TPP2: variants seen among roughly 807,000 people sequenced by gnomAD.
TPP2 encodes tripeptidyl-peptidase 2.
TPP2 carries 34 observed loss-of-function variants against 155.9 expected under a neutral mutation model. The ratio of observed to expected loss-of-function variants is 0.22; its 90% CI spans 0.17 to 0.29. The LOEUF (loss-of-function observed/expected upper bound fraction) is 0.29, where lower values mean the gene tolerates loss of function less well. Among genes scored for constraint, TPP2 ranks in the 10% least tolerant of loss-of-function variants. The probability of loss-of-function intolerance (pLI) is 1.00; values close to 1 mark genes in which losing one functional copy is unlikely to be tolerated. For missense variants in TPP2, 1,028 were observed against 1,522.3 expected, an observed-to-expected ratio of 0.68 and a Z score of 5.40; for synonymous variants, 510 against 529.4, an observed-to-expected ratio of 0.96 and a Z score of 0.50.
chr13:102,597,756 A>C (rs1230434293), intron 1 of TPP2, among the ~76,000 whole-genome samples: 1 of 152,224 alleles, frequency 6.6e-6, no homozygotes, highest in Non-Finnish European at 1.5e-5. Flanking sequence ...TTTGGGGAAG[A>C]ATAGTTTGTC....
chr13:102,659,884 T>C (rs750600375), intron 25 of TPP2, among the ~76,000 whole-genome samples: 15 of 152,246 alleles, frequency 9.9e-5, no homozygotes, highest in Non-Finnish European at 1.9e-4. Flanking sequence ...GTGTATATAT[T>C]AGGCCTATGT....
chr13:102,635,531 G>A (rs1480461384), intron 11 of TPP2, 56 bp from the exon 12 acceptor site: 12 of 1,264,098 alleles, frequency 9.5e-6, no homozygotes, highest in Admixed American at 3.4e-5. Context: ...ACTGGTGGGC[G>A]GCTAAGGTTT....
intron 1 of TPP2, 135 bp from the exon 2 acceptor site, chr13:102,604,658 C>A: frequency 9.3e-7 from 1 of 1,070,024 alleles, no homozygotes; most frequent in Non-Finnish European, 1.3e-6. Context: ...AGGCTTTTGG[C>A]TTAAAACAGT....
intron 2 of TPP2, among the ~76,000 whole-genome samples, chr13:102,612,215 G>C (rs1880377225): frequency 6.6e-6 from 1 of 152,212 alleles, no homozygotes; most frequent in Non-Finnish European, 1.5e-5. Context: ...AACTGTGCGT[G>C]TGCCCTGGCC....
intron 5 of TPP2, among the ~76,000 whole-genome samples, chr13:102,622,164 T>C (rs954073998): frequency 6.6e-6 from 1 of 152,230 alleles, no homozygotes; most frequent in African/African-American, 2.4e-5. Flanking sequence ...CTTGGCAATT[T>C]TGACTGACTT....
intron 3 of TPP2, 34 bp from the exon 4 acceptor site, chr13:102,616,362 G>A: frequency 1.3e-6 from 2 of 1,558,920 alleles, no homozygotes; most frequent in Non-Finnish European, 1.8e-6. Context: ...GTATTTGTCA[G>A]CCTAATTGTA....
At chr13:102,663,627 C>A in intron 25 of TPP2, 21 bp from the exon 26 acceptor site, 1 of 1,517,098 alleles carries the variant, frequency 6.6e-7, no homozygotes, top group Non-Finnish European at 8.9e-7. Flanking sequence ...GTAAATATTT[C>A]TCTCCTTCTT....
At chr13:102,614,249 C>T in intron 3 of TPP2, 53 bp downstream of exon 3, 13 of 1,409,976 alleles carry the variant, frequency 9.2e-6, no homozygotes, top group Non-Finnish European at 1.3e-5. Context: ...TGTCTTCTTC[C>T]TCAGATTTTA....
intron 28 of TPP2, among the ~76,000 whole-genome samples, chr13:102,675,431 T>G (rs527760454): frequency 1.3e-5 from 2 of 152,282 alleles, no homozygotes; most frequent in Admixed American, 1.3e-4. Context: ...TTTTGATACC[T>G]TAGTTTCTTA....
chr13:102,609,245 C>T (rs898313081), intron 2 of TPP2, among the ~76,000 whole-genome samples: 4 of 151,946 alleles, frequency 2.6e-5, no homozygotes, highest in African/African-American at 4.8e-5. Flanking sequence ...GAGGTTTAAT[C>T]GACTCACAGT....
At chr13:102,607,682 A>G (rs765739369) in intron 2 of TPP2, 1 of 447,754 alleles carries the variant, frequency 2.2e-6, no homozygotes, top group Non-Finnish European at 4.5e-6. Flanking sequence ...TGCTTCCTGT[A>G]TTCAAGTGAT....
intron 1 of TPP2, among the ~76,000 whole-genome samples, chr13:102,602,865 A>C (rs554622672): frequency 1.3e-5 from 2 of 150,500 alleles, no homozygotes; most frequent in Non-Finnish European, 3.0e-5. Flanking sequence ...TACGGTTTTT[A>C]TGTTTCTGTT....
intron 1 of TPP2, among the ~76,000 whole-genome samples, chr13:102,599,377 C>T (rs948516016): frequency 3.3e-5 from 5 of 152,132 alleles, no homozygotes; most frequent in African/African-American, 1.2e-4. Flanking sequence ...CGGTGGCTTG[C>T]AAACGTGAGG....
At chr13:102,605,620 T>C (rs1046517835) in intron 2 of TPP2, among the ~76,000 whole-genome samples, 7 of 152,026 alleles carry the variant, frequency 4.6e-5, no homozygotes, top group African/African-American at 1.7e-4. Flanking sequence ...TTACTGTCCC[T>C]TCATAGTATT....
intron 24 of TPP2, among the ~76,000 whole-genome samples, chr13:102,653,271 A>G (rs188482903): frequency 3.3e-4 from 50 of 152,338 alleles, no homozygotes; most frequent in African/African-American, 8.4e-4. Context: ...GTTGATTAAG[A>G]TAAATAGCAT....
chr13:102,597,986 T>C (rs973011396), intron 1 of TPP2, among the ~76,000 whole-genome samples: 105 of 152,344 alleles, frequency 6.9e-4, no homozygotes, highest in African/African-American at 2.5e-3. Flanking sequence ...GACTTTTTTT[T>C]TTTTAAACCT....
intron 6 of TPP2, 98 bp downstream of exon 6, chr13:102,623,138 T>C: frequency 7.7e-7 from 1 of 1,302,806 alleles, no homozygotes; most frequent in Non-Finnish European, 1.0e-6. Flanking sequence ...AATTTTAAGC[T>C]AGAGATCGTA....
chr13:102,615,102 G>A (rs1372272082), intron 3 of TPP2, among the ~76,000 whole-genome samples: 1 of 152,132 alleles, frequency 6.6e-6, no homozygotes, highest in South Asian at 2.1e-4. Context: ...GGCCTGTGAA[G>A]CATAAGAAGT....
At chr13:102,648,829 T>G in intron 21 of TPP2, 78 bp from the exon 22 acceptor site, 1 of 1,499,298 alleles carries the variant, frequency 6.7e-7, no homozygotes, top group Non-Finnish European at 8.9e-7. Flanking sequence ...AATGGTAACT[T>G]TCACTTTATC....
Sources: gnomAD v4.1 joint callset for allele counts (sites outside exome capture counted in the v4.1 genomes callset) on GRCh38, gnomAD v4.1.1 for gene constraint, MANE v1.5 for transcripts, NCBI Gene and HGNC (gene_info 2026-07-23, HGNC 2026-07-21) for gene names.